The following WDR72 variants were observed in gnomAD, a reference collection of about 807,000 sequenced individuals.
WDR72 encodes WD repeat-containing protein 72.
In WDR72, 120 loss-of-function variants were observed where a neutral mutation model predicts 124.2. That is an observed-to-expected ratio of 0.97 (90% CI 0.83 to 1.12). WDR72 has a LOEUF of 1.12. WDR72 is among the 50% of genes most tolerant of loss of function. The probability of loss-of-function intolerance (pLI) is 0.00; values close to 1 mark genes in which losing one functional copy is unlikely to be tolerated. For missense variants in WDR72, 1,387 were observed against 1,278.8 expected (o/e 1.08, Z -1.29); for synonymous variants, 452 against 441.7 (o/e 1.02, Z -0.29).
At chr15:53,614,274 G>C (rs1327381877) in intron 15 of WDR72, among the ~76,000 whole-genome samples, 1 of 152,032 alleles carries the variant, frequency 6.6e-6, no homozygotes, top group Non-Finnish European at 1.5e-5. Flanking sequence ...ATGTGCCCAG[G>C]TGTTAAGCAC....
intron 3 of WDR72, 84 bp from the exon 4 acceptor site, chr15:53,716,769 A>AGTGCTGCACTTAAAT (rs6145564): frequency 1.0e-6 from 1 of 955,682 alleles, no homozygotes; most frequent in East Asian, 2.4e-5. Context: ...GTTTTTCTTT[A>AGTGCTGCACTTAAAT]GCAGCCTGAT....
At chr15:53,664,861 A>G (rs1329929945) in intron 14 of WDR72, among the ~76,000 whole-genome samples, 1 of 152,180 alleles carries the variant, frequency 6.6e-6, no homozygotes, top group Non-Finnish European at 1.5e-5. Flanking sequence ...ACATATTAAT[A>G]CCATGAAAAT....
intron 18 of WDR72, among the ~76,000 whole-genome samples, chr15:53,548,954 A>G (rs1368841147): frequency 1.3e-5 from 2 of 152,220 alleles, no homozygotes; most frequent in African/African-American, 2.4e-5. Context: ...AGCTCCAGAA[A>G]GAATCTGGAG....
chr15:53,616,253 C>CA lies in WDR72; in HGVS notation c.1963-11dup, dbSNP rs757893856. On this transcript the variant is annotated splice_polypyrimidine_tract_variant and intron_variant, in intron 14 of 19. Transcript: ENST00000360509. ...ATTTGGCATCAGTAACCTAAGGGAA[C>CA]AAAAAATATTTGTGTCAAAGTTCTT... 6.3e-7 allele frequency: 1 copy of CA among 1,590,386 alleles called. No individual in the cohort carries two copies. The highest frequency in any genetic ancestry group is 1.7e-5 in the Admixed American group (1 of 59,640).
chr15:53,758,781 G>C (rs997633976), intron 1 of WDR72, among the ~76,000 whole-genome samples: 7 of 108,672 alleles, frequency 6.4e-5, no homozygotes, highest in East Asian at 3.4e-4. Context: ...GGGGGGGGGG[G>C]GCGGTGCGGG....
At chr15:53,539,287 G>C (rs12914759) in intron 18 of WDR72, among the ~76,000 whole-genome samples, 43,844 of 151,918 alleles carry the variant, frequency 0.29, 7,346 homozygotes, top group South Asian at 0.38. Context: ...ATCAGCATCA[G>C]AATAAGAGGT....
At chr15:53,670,387 T>C (rs752818266) in intron 13 of WDR72, among the ~76,000 whole-genome samples, 42 of 152,180 alleles carry the variant, frequency 2.8e-4, no homozygotes, top group Non-Finnish European at 3.1e-4. Flanking sequence ...CCTAGAACCA[T>C]ATTGACAGGA....
chr15:53,543,337 A>G (rs1414399663), intron 18 of WDR72, among the ~76,000 whole-genome samples: 1 of 152,034 alleles, frequency 6.6e-6, no homozygotes, highest in Admixed American at 6.6e-5. Flanking sequence ...AGGATTAAGA[A>G]TCTCACTCAA....
chr15:53,572,522 G>A (rs958494891), intron 18 of WDR72, among the ~76,000 whole-genome samples: 23 of 152,142 alleles, frequency 1.5e-4, no homozygotes, highest in Non-Finnish European at 1.0e-4. Context: ...TCTAGGGCTA[G>A]GCAAAAGTTT....
intron 1 of WDR72, among the ~76,000 whole-genome samples, chr15:53,748,097 G>C (rs1334937448): frequency 6.6e-6 from 1 of 151,826 alleles, no homozygotes; most frequent in African/African-American, 2.4e-5. Flanking sequence ...CCAGGTGGTG[G>C]GTTGGGCTGC....
At chr15:53,726,689 A>T (rs575088423) in intron 2 of WDR72, among the ~76,000 whole-genome samples, 53 of 152,092 alleles carry the variant, frequency 3.5e-4, no homozygotes, top group Middle Eastern at 3.4e-3. Flanking sequence ...AAATAATTTT[A>T]AAAAATTAGC....
In WDR72 at chr15:53,665,554, A is replaced by G; in HGVS notation, c.1962+18T>C. On this transcript the variant is annotated intron_variant, in intron 14 of 19. Transcript: ENST00000360509. ...GTTGATAATGTTCTTTGTGAACAAC[A>G]GCTTGATTTGAACTTACCTTACATG... 6 of 1,613,572 alleles carry G rather than the reference A, an allele frequency of 3.7e-6. No individual in the cohort carries two copies. Among genetic ancestry groups the G allele is most frequent in the Non-Finnish European group, 5.1e-6 (6 of 1,179,620 alleles).
At chr15:53,640,657 C>G (rs1288177247) in intron 14 of WDR72, among the ~76,000 whole-genome samples, 1 of 152,106 alleles carries the variant, frequency 6.6e-6, no homozygotes, top group Non-Finnish European at 1.5e-5. Flanking sequence ...TTTCAAAACA[C>G]ACTTCAACAA....
Position 53,609,540 on chromosome 15 carries a change from A to T in WDR72, c.2925T>A (p.Ile975=). 1 of 1,613,560 alleles carries T rather than the reference A, an allele frequency of 6.2e-7. No individual in the cohort carries two copies. Among genetic ancestry groups the T allele is most frequent in the South Asian group, 1.1e-5 (1 of 91,080 alleles). The change falls in exon 17 of 20, where the codon ATT becomes ATA. Residue 975 remains isoleucine (I), a synonymous_variant. Transcript: ENST00000360509. ...GCACAGACTGGTCTCTCCAACAGGAAATTAGCTTCAAAAGTGAAAGGTCAG... is the reference window on the plus strand; with the variant it reads ...GCACAGACTGGTCTCTCCAACAGGATATTAGCTTCAAAAGTGAAAGGTCAG... The part of the protein sequence containing the change: ...PEADLSLLKL[I]SCWRDQSVQV...
At chr15:53,649,409 C>T (rs1257107718) in intron 14 of WDR72, among the ~76,000 whole-genome samples, 1 of 152,026 alleles carries the variant, frequency 6.6e-6, no homozygotes, top group South Asian at 2.1e-4. Flanking sequence ...GGCAAAAATG[C>T]AATATAAATA....
chr15:53,600,468 A>G (rs1205074870), intron 17 of WDR72, among the ~76,000 whole-genome samples: 1 of 152,178 alleles, frequency 6.6e-6, no homozygotes, highest in Non-Finnish European at 1.5e-5. Context: ...GGCAATGTAC[A>G]CAGATTAAAA....
chr15:53,761,911 G>A (rs2019070321), upstream of WDR72, among the ~76,000 whole-genome samples: 1 of 152,032 alleles, frequency 6.6e-6, no homozygotes, highest in Admixed American at 6.5e-5. Context: ...ATCAAGAGTG[G>A]GTGAAAAATT....
intron 7 of WDR72, 40 bp from the exon 8 acceptor site, chr15:53,711,521 T>C: frequency 6.2e-7 from 1 of 1,604,192 alleles, no homozygotes; most frequent in Non-Finnish European, 8.5e-7. Flanking sequence ...AAGGCTTAAA[T>C]CTAGTCTGCC....
At chr15:53,700,200 G>T (rs1197482567) in intron 12 of WDR72, among the ~76,000 whole-genome samples, 1 of 152,180 alleles carries the variant, frequency 6.6e-6, no homozygotes, top group East Asian at 1.9e-4. Context: ...TAAGATAAAT[G>T]AAGGACTTGA....
Sources: allele counts gnomAD v4.1 joint callset (sites outside exome capture counted in the v4.1 genomes callset), GRCh38; gene constraint gnomAD v4.1.1; transcripts MANE v1.5; gene names NCBI Gene and HGNC (gene_info 2026-07-23, HGNC 2026-07-21).